Variants in MRPL44 observed in about 807,000 individuals in gnomAD.
The protein encoded by MRPL44 is mitochondrial ribosomal protein L44.
Under a neutral mutation model 25.9 loss-of-function variants are expected in MRPL44, and 21 were observed. That is an observed-to-expected ratio of 0.81 (90% CI 0.58 to 1.17). MRPL44 has a LOEUF of 1.17. Ranked by LOEUF, MRPL44 falls within the 50% of genes most tolerant of loss-of-function variation. The pLI is 0.00. For missense variants in MRPL44, 410 were observed against 398.9 expected (o/e 1.03, Z -0.24); for synonymous variants, 169 against 151.0 (o/e 1.12, Z -0.87).
chr2:223,964,423 A>C (rs1277172925), intron 3 of MRPL44, among the ~76,000 whole-genome samples: 3 of 152,214 alleles, frequency 2.0e-5, no homozygotes, highest in Non-Finnish European at 4.4e-5. Flanking sequence ...TTAATCTCAG[A>C]TGTTAAGATT....
At chr2:223,959,156 G>T (rs993438829) in intron 1 of MRPL44, among the ~76,000 whole-genome samples, 1 of 152,168 alleles carries the variant, frequency 6.6e-6, no homozygotes, top group Non-Finnish European at 1.5e-5. Flanking sequence ...ACATACTAGT[G>T]TTTATGGCTT....
chr2:223,952,802 A>C (rs1355025841), upstream of MRPL44, among the ~76,000 whole-genome samples: 1 of 152,190 alleles, frequency 6.6e-6, no homozygotes, highest in Non-Finnish European at 1.5e-5. Flanking sequence ...TTTTCTGTAC[A>C]TACTTTTTCC....
chr2:223,957,908 G>A lies in MRPL44; in HGVS notation c.179+257G>A, dbSNP rs574951836. 5.3e-5 allele frequency among the ~76,000 whole-genome samples: 8 copies of A among 152,268 alleles called. No homozygotes were observed. The South Asian group carries it at 1.7e-3, about 32-fold the overall frequency. On this transcript the variant is annotated intron_variant, in intron 1 of 3. Coordinates refer to ENST00000258383, the MANE Select transcript of MRPL44 (RefSeq NM_022915.5). ...TGGCTACTGAAAATTGGGAGAAATG[G>A]GGCTAACTGGAGGGTCTTCCTTATG...
At chr2:223,963,465 T>C (rs990439530) in intron 2 of MRPL44, among the ~76,000 whole-genome samples, 1 of 151,994 alleles carries the variant, frequency 6.6e-6, no homozygotes, top group African/African-American at 2.4e-5. Context: ...AAAAAAATTA[T>C]AGGATTCTAC....
upstream of MRPL44, chr2:223,957,325 C>A: frequency 2.1e-6 from 2 of 968,118 alleles, no homozygotes; most frequent in Non-Finnish European, 1.6e-6. Context: ...TGTCTCCGCC[C>A]CTGCCCTCTC....
upstream of MRPL44, chr2:223,957,426 C>G (rs750734161): frequency 3.0e-5 from 48 of 1,609,916 alleles, 1 homozygote; most frequent in South Asian, 2.7e-4. Context: ...TACGGGGACA[C>G]TGGCCCGACT....
At chr2:223,960,162 T>C (rs1231840579) in intron 2 of MRPL44, among the ~76,000 whole-genome samples, 160 bp downstream of exon 2, 1 of 152,174 alleles carries the variant, frequency 6.6e-6, no homozygotes, top group Non-Finnish European at 1.5e-5. Context: ...ATTATTCCAG[T>C]TGTCTCTTAT....
At chr2:223,962,111 C>T (rs1689669046) in intron 2 of MRPL44, among the ~76,000 whole-genome samples, 1 of 152,154 alleles carries the variant, frequency 6.6e-6, no homozygotes, top group Admixed American at 6.5e-5. Context: ...CAGCTCACTG[C>T]AGCCTCGACT....
rs1280145935 is a variant in MRPL44 at position 223,963,751 on chromosome 2, T to G, written c.649-5T>G. ...AAAATGTATAAATTATATTTTTATA[T>G]GCAGGACTTCTTAATTACTCAAATG... On this transcript the variant is annotated splice_region_variant and splice_polypyrimidine_tract_variant and intron_variant, in intron 2 of 3. Coordinates refer to ENST00000258383, the MANE Select transcript of MRPL44 (RefSeq NM_022915.5). The G allele has an allele frequency of 6.4e-7, 1 of 1,557,830 alleles. No individual in the cohort carries two copies. Among genetic ancestry groups the G allele is most frequent in the Admixed American group, 2.0e-5 (1 of 50,854 alleles).
chr2:223,957,379 T>A (rs1321510451), upstream of MRPL44: 10 of 1,529,164 alleles, frequency 6.5e-6, no homozygotes, highest in Non-Finnish European at 8.1e-6. Flanking sequence ...CAGCCTTCTC[T>A]TCGCGTTCCG....
At chr2:223,951,992 A>C in the MRPL44 span, among the ~76,000 whole-genome samples, 1 of 152,254 alleles carries the variant, frequency 6.6e-6, no homozygotes, top group African/African-American at 2.4e-5. Context: ...TTAATGGGTC[A>C]GCATTCTAAT....
chr2:223,964,867 C>T (rs1369381157), intron 3 of MRPL44, among the ~76,000 whole-genome samples: 1 of 152,026 alleles, frequency 6.6e-6, no homozygotes, highest in Non-Finnish European at 1.5e-5. Context: ...TGAACAGTTG[C>T]TGGGACATGG....
At chr2:223,954,406 C>T (rs1466928186), upstream of MRPL44, among the ~76,000 whole-genome samples, 1 of 152,152 alleles carries the variant, frequency 6.6e-6, no homozygotes, top group Admixed American at 6.5e-5. Flanking sequence ...AAGCAACAAA[C>T]GTTTATTTTC....
At chr2:223,952,344 CTG>C in the MRPL44 span, among the ~76,000 whole-genome samples, 1 of 152,232 alleles carries the variant, frequency 6.6e-6, no homozygotes. Context: ...CAGGCAGTCT[CTG>C]TGGGTTCTTG....
At chr2:223,959,009 A>G (rs1366795397) in intron 1 of MRPL44, among the ~76,000 whole-genome samples, 1 of 152,260 alleles carries the variant, frequency 6.6e-6, no homozygotes, top group Admixed American at 6.5e-5. Flanking sequence ...GAAGCACAAT[A>G]GACCGAAGTA....
chr2:223,967,068 C>T lies in MRPL44; in HGVS notation c.*34C>T, dbSNP rs760085401. 65 of 1,545,210 alleles carry T rather than the reference C, an allele frequency of 4.2e-5. No individual in the cohort carries two copies. Among genetic ancestry groups the T allele is most frequent in the Non-Finnish European group, 5.2e-5 (59 of 1,141,814 alleles). On this transcript the variant is annotated 3_prime_UTR_variant, in exon 4 of 4. Coordinates refer to ENST00000258383, the MANE Select transcript of MRPL44 (RefSeq NM_022915.5). ...GATGCAGCAGCCTGAAACTTGAGAG[C>T]GAAAGTGAGATAAATGTCAAAGGTG...
the MRPL44 span, among the ~76,000 whole-genome samples, chr2:223,952,016 T>C: frequency 6.6e-6 from 1 of 152,238 alleles, no homozygotes; most frequent in East Asian, 1.9e-4. Context: ...GCCTTGACTT[T>C]CTACTCTTCA....
chr2:223,954,205 T>C (rs1228723464), upstream of MRPL44, among the ~76,000 whole-genome samples: 1 of 152,206 alleles, frequency 6.6e-6, no homozygotes, highest in African/African-American at 2.4e-5. Flanking sequence ...GGAATGTTGA[T>C]CCTCCTTTCC....
intron 1 of MRPL44, among the ~76,000 whole-genome samples, chr2:223,957,953 C>T (rs957414568): frequency 6.6e-6 from 1 of 152,128 alleles, no homozygotes; most frequent in Non-Finnish European, 1.5e-5. Context: ...ATGTTGTAGT[C>T]CCCGTTTGTA....
Sources: gnomAD v4.1 joint callset for allele counts (sites outside exome capture counted in the v4.1 genomes callset) on GRCh38, gnomAD v4.1.1 for gene constraint, MANE v1.5 for transcripts, NCBI Gene and HGNC (gene_info 2026-07-23, HGNC 2026-07-21) for gene names.